Variants in CLPB observed in about 807,000 individuals in gnomAD.
CLPB encodes ClpB family mitochondrial disaggregase.
Under a neutral mutation model 78.4 loss-of-function variants are expected in CLPB, and 40 were observed. That is an observed-to-expected ratio of 0.51 (90% CI 0.40 to 0.66). CLPB has a LOEUF of 0.66. CLPB is among the 30% of genes least tolerant of loss of function. The pLI, the probability that CLPB is intolerant of heterozygous loss-of-function variation, is 0.00. For synonymous variants in CLPB, 333 were observed against 348.0 expected, an observed-to-expected ratio of 0.96 and a Z score of 0.48; for missense variants, 780 against 886.9, an observed-to-expected ratio of 0.88 and a Z score of 1.53.
intron 1 of CLPB, among the ~76,000 whole-genome samples, chr11:72,432,212 C>G (rs1657945734): frequency 6.6e-6 from 1 of 151,952 alleles, no homozygotes; most frequent in African/African-American, 2.4e-5. Context: ...TTTCCATTCC[C>G]TGAAGCCTTT....
chr11:72,387,905 T>C (rs922408209), intron 3 of CLPB, among the ~76,000 whole-genome samples: 3 of 152,170 alleles, frequency 2.0e-5, no homozygotes, highest in African/African-American at 7.2e-5. Flanking sequence ...AGCTGCTGTG[T>C]CCAATCACCA....
At chr11:72,381,126 G>T (rs1854898902) in intron 3 of CLPB, among the ~76,000 whole-genome samples, 1 of 152,212 alleles carries the variant, frequency 6.6e-6, no homozygotes, top group Non-Finnish European at 1.5e-5. Flanking sequence ...TAGCACAGAG[G>T]TAAAGAAAAG....
At chr11:72,396,512 G>A (rs1855411943) in intron 3 of CLPB, among the ~76,000 whole-genome samples, 1 of 152,174 alleles carries the variant, frequency 6.6e-6, no homozygotes, top group Admixed American at 6.5e-5. Context: ...CTGCATGAGA[G>A]TCCAGAGATA....
chr11:72,376,432 C>T (rs1854701037), intron 4 of CLPB, among the ~76,000 whole-genome samples: 1 of 152,080 alleles, frequency 6.6e-6, no homozygotes, highest in East Asian at 1.9e-4. Context: ...AAGACTATCA[C>T]TATCCAGGTC....
intron 6 of CLPB, among the ~76,000 whole-genome samples, chr11:72,321,375 A>C (rs1277729236): frequency 1.3e-5 from 2 of 152,204 alleles, no homozygotes; most frequent in African/African-American, 2.4e-5. Context: ...TTAGCTTCAG[A>C]AGCCCTCACC....
At chr11:72,371,346 A>G (rs986629781) in intron 4 of CLPB, among the ~76,000 whole-genome samples, 2 of 151,982 alleles carry the variant, frequency 1.3e-5, no homozygotes, top group South Asian at 4.1e-4. Flanking sequence ...CCTGGGCAAC[A>G]TGGTGAAACC....
chr11:72,365,110 G>A (rs564395155), intron 4 of CLPB, among the ~76,000 whole-genome samples: 5 of 152,252 alleles, frequency 3.3e-5, no homozygotes, highest in Non-Finnish European at 2.9e-5. Flanking sequence ...ATCTGAGGTT[G>A]GGAGTTCGAG....
chr11:72,301,081 T>G (rs1949646759), intron 11 of CLPB, among the ~76,000 whole-genome samples: 1 of 152,198 alleles, frequency 6.6e-6, no homozygotes, highest in Admixed American at 6.5e-5. Flanking sequence ...ATGAGCTAAT[T>G]TCTCCCTTGC....
Position 72,293,637 on chromosome 11 carries a change from G to A in CLPB, c.1786-22C>T, listed in dbSNP as rs1323763165. ...CTACCTGTCGGTGGGGAGGTGAAGT[G>A]GTCACTCCCTCGGCCTGGACCCAGC... is the stretch of plus-strand genomic sequence containing the variant. On this transcript the variant is annotated intron_variant, in intron 15 of 15. Coordinates refer to ENST00000538039, the MANE Select transcript of CLPB (RefSeq NM_001258392.3). 3.6e-5 allele frequency: 58 copies of A among 1,601,482 alleles called. 1 individual carries two copies. Among genetic ancestry groups the A allele is most frequent in the Non-Finnish European group, 4.6e-5 (54 of 1,171,280 alleles).
intron 3 of CLPB, among the ~76,000 whole-genome samples, chr11:72,382,838 C>T (rs1373119116): frequency 6.6e-6 from 1 of 152,038 alleles, no homozygotes; most frequent in African/African-American, 2.4e-5. Context: ...ACCCAAAGAA[C>T]AAAACAAAGG....
Position 72,301,086 on chromosome 11 carries a change from C to T in CLPB, c.1329+717G>A, listed in dbSNP as rs147495944. 5.9e-3 allele frequency among the ~76,000 whole-genome samples: 895 copies of T among 152,308 alleles called. 11 individuals are homozygous for T. Among genetic ancestry groups the T allele is most frequent in the African/African-American group, 0.021 (857 of 41,564 alleles). On this transcript the variant is annotated intron_variant, in intron 11 of 15. Coordinates refer to ENST00000538039, the MANE Select transcript of CLPB (RefSeq NM_001258392.3). ...TCTGTAAAAAATGAGCTAATTTCTC[C>T]CTTGCCTGTTAGGAATTTTTCTACC...
intron 2 of CLPB, among the ~76,000 whole-genome samples, chr11:72,429,644 T>C (rs1189350862): frequency 1.3e-5 from 2 of 152,232 alleles, no homozygotes; most frequent in African/African-American, 4.8e-5. Flanking sequence ...AACAGCCCTG[T>C]AACTGATGCC....
At chr11:72,315,874 G>A (rs1044462703) in intron 7 of CLPB, among the ~76,000 whole-genome samples, 3 of 152,146 alleles carry the variant, frequency 2.0e-5, no homozygotes, top group African/African-American at 7.2e-5. Context: ...TTGAGGTCCC[G>A]AGGTGTTGGG....
intron 4 of CLPB, among the ~76,000 whole-genome samples, chr11:72,365,181 G>A (rs1950920008): frequency 6.6e-6 from 1 of 152,132 alleles, no homozygotes; most frequent in Non-Finnish European, 1.5e-5. Flanking sequence ...TTAACTAGGG[G>A]CTGTGGTGGC....
rs914600241 is a variant in CLPB, at chr11:72,294,253, G to A, written c.1680+72C>T. ...CTCCACCTTTTATGTGTGTGGGGGTGCCCCCAGTCCAGTGTTCCAGATTTC... is the reference window on the plus strand; with the variant it reads ...CTCCACCTTTTATGTGTGTGGGGGTACCCCCAGTCCAGTGTTCCAGATTTC... On this transcript the variant is annotated intron_variant, in intron 14 of 15. Coordinates refer to ENST00000538039, the MANE Select transcript of CLPB (RefSeq NM_001258392.3). 2.4e-5 allele frequency: 39 copies of A among 1,610,822 alleles called. No individual in the cohort carries two copies. In the Admixed American group the frequency reaches 6.3e-4, roughly 26 times the overall value.
intron 5 of CLPB, among the ~76,000 whole-genome samples, chr11:72,330,243 T>TTC (rs60486202): frequency 0.19 from 28,605 of 152,064 alleles, 4,473 homozygotes; most frequent in African/African-American, 0.44. Flanking sequence ...TTCCCCTTCT[T>TTC]TGTTTTCTGC....
intron 4 of CLPB, among the ~76,000 whole-genome samples, chr11:72,369,059 G>C (rs1327664994): frequency 1.3e-5 from 2 of 152,140 alleles, no homozygotes; most frequent in Admixed American, 1.3e-4. Flanking sequence ...TCACCTCCAT[G>C]AAAGGGAAGG....
chr11:72,307,187 C>T lies in CLPB; in HGVS notation c.1122+12G>A. The T allele has an allele frequency of 1.2e-6, 2 of 1,613,460 alleles. No individual in the cohort carries two copies. The highest frequency in any genetic ancestry group is 1.7e-6 in the Non-Finnish European group (2 of 1,179,472). Reference sequence around the variant, plus strand: ...CACGATCTGCAGATCAGACCTAGGTCCCAGTTCTTACCTTTTTAGCATCTT... The same window carrying T: ...CACGATCTGCAGATCAGACCTAGGTTCCAGTTCTTACCTTTTTAGCATCTT... On this transcript the variant is annotated intron_variant, in intron 9 of 15. Coordinates refer to ENST00000538039, the MANE Select transcript of CLPB (RefSeq NM_001258392.3).
chr11:72,328,909 TGAGTGAAGGGCAG>T (rs1349977492), intron 6 of CLPB, among the ~76,000 whole-genome samples: 2 of 152,300 alleles, frequency 1.3e-5, no homozygotes, highest in Admixed American at 1.3e-4. Context: ...CCTCAGAGGC[TGAGTGAAGGGCAG>T]GAGTGAAGGG....
Sources: allele counts gnomAD v4.1 joint callset (sites outside exome capture counted in the v4.1 genomes callset), GRCh38; gene constraint gnomAD v4.1.1; transcripts MANE v1.5; gene names NCBI Gene and HGNC (gene_info 2026-07-23, HGNC 2026-07-21).